GRIA3: variants seen among roughly 807,000 people sequenced by gnomAD.
GRIA3 encodes glutamate receptor 3.
GRIA3 carries 3 observed loss-of-function variants against 63.0 expected under a neutral mutation model. That is an observed-to-expected ratio of 0.05 (90% CI 0.02 to 0.12). The LOEUF (loss-of-function observed/expected upper bound fraction) is 0.12, where lower values mean the gene tolerates loss of function less well. Ranked by LOEUF, GRIA3 falls within the 10% of genes least tolerant of loss-of-function variation. GRIA3 has a pLI of 1.00. For synonymous variants in GRIA3, 274 were observed against 257.9 expected (o/e 1.06, Z -0.60); for missense variants, 347 against 700.9 (o/e 0.50, Z 5.70).
intron 13 of GRIA3, among the ~76,000 whole-genome samples, chrX:123,467,647 C>T (rs1252319900): frequency 8.9e-6 from 1 of 112,236 alleles, no homozygotes; most frequent in African/African-American, 3.2e-5. Context: ...CATTCATACT[C>T]ATCATGGTTA....
chrX:123,266,163 C>T (rs994004620), intron 3 of GRIA3, among the ~76,000 whole-genome samples: 3 of 111,837 alleles, frequency 2.7e-5, no homozygotes, highest in African/African-American at 9.7e-5. Flanking sequence ...AGCAGTTTTG[C>T]TTCTTGAATA....
intron 12 of GRIA3, among the ~76,000 whole-genome samples, chrX:123,439,897 T>C (rs1316838750): frequency 9.0e-6 from 1 of 111,240 alleles, no homozygotes; most frequent in Non-Finnish European, 1.9e-5. Context: ...ACCCAGGTAT[T>C]AAGTCCAGTA....
chrX:123,209,979 G>A (rs1927996940), intron 2 of GRIA3, among the ~76,000 whole-genome samples: 1 of 109,910 alleles, frequency 9.1e-6, no homozygotes, highest in South Asian at 3.9e-4. Context: ...GTTTTACCGT[G>A]ATTTTGTTTG....
chrX:123,305,007 T>C (rs1462431785), intron 3 of GRIA3, among the ~76,000 whole-genome samples: 2 of 111,499 alleles, frequency 1.8e-5, no homozygotes, highest in African/African-American at 3.3e-5. Context: ...TGGTTATAAA[T>C]CTTCAATGAC....
intron 4 of GRIA3, among the ~76,000 whole-genome samples, chrX:123,329,855 A>G (rs1048573260): frequency 1.8e-5 from 2 of 111,883 alleles, no homozygotes; most frequent in African/African-American, 6.5e-5. Flanking sequence ...CAATCTAAAC[A>G]TTAATTTTTG....
intron 13 of GRIA3, among the ~76,000 whole-genome samples, chrX:123,477,305 C>A (rs1309565296): frequency 8.9e-6 from 1 of 112,329 alleles, no homozygotes; most frequent in Non-Finnish European, 1.9e-5. Flanking sequence ...TTCATGTATT[C>A]ATTGATTCAT....
Position 123,391,403 on chromosome X carries a change from T to G in GRIA3, c.751-3565T>G, listed in dbSNP as rs147160312. Among the ~76,000 whole-genome samples the G allele has an allele frequency of 3.0e-3, 333 of 112,042 alleles. 2 individuals are homozygous for G. Among genetic ancestry groups the G allele is most frequent in the African/African-American group, 0.01 (320 of 30,836 alleles). On this transcript the variant is annotated intron_variant, in intron 5 of 15. Coordinates refer to ENST00000620443, the MANE Select transcript of GRIA3 (RefSeq NM_007325.5). ...ATAATATAGTCTCCATGATGATTTATCTGGCTGTAAACAGCATCAGTAGTA... is the reference window on the plus strand; with the variant it reads ...ATAATATAGTCTCCATGATGATTTAGCTGGCTGTAAACAGCATCAGTAGTA...
intron 3 of GRIA3, among the ~76,000 whole-genome samples, chrX:123,282,311 T>C (rs917012570): frequency 8.9e-6 from 1 of 112,546 alleles, no homozygotes; most frequent in African/African-American, 3.2e-5. Context: ...CCCCCTCCTC[T>C]TTCCCTTCAC....
At chrX:123,366,576 T>C (rs1288337525) in intron 5 of GRIA3, among the ~76,000 whole-genome samples, 1 of 111,915 alleles carries the variant, frequency 8.9e-6, no homozygotes, top group East Asian at 2.8e-4. Flanking sequence ...TGAGTAAGCT[T>C]ATCCTGCATT....
At chrX:123,283,089 G>A (rs950700466) in intron 3 of GRIA3, among the ~76,000 whole-genome samples, 17 of 111,542 alleles carry the variant, frequency 1.5e-4, no homozygotes, top group African/African-American at 5.5e-4. Context: ...TGCAGCCCAC[G>A]AAAGGCGAGC....
At chrX:123,233,656 CT>C (rs2044287372) in intron 2 of GRIA3, among the ~76,000 whole-genome samples, 1 of 111,836 alleles carries the variant, frequency 8.9e-6, no homozygotes, top group Admixed American at 9.5e-5. Context: ...TAAGATCTGC[CT>C]GCAGTTACCA....
intron 3 of GRIA3, among the ~76,000 whole-genome samples, chrX:123,324,597 G>A (rs1057494257): frequency 1.8e-5 from 2 of 112,047 alleles, no homozygotes; most frequent in Non-Finnish European, 3.8e-5. Context: ...ATAAATATGC[G>A]TGGTTGGTTT....
chrX:123,372,975 C>A (rs1211530399), intron 5 of GRIA3, among the ~76,000 whole-genome samples: 1 of 109,264 alleles, frequency 9.2e-6, no homozygotes. Context: ...ATTAACTCAT[C>A]ATTTACATTA....
chrX:123,195,544 A>C (rs182887367), intron 2 of GRIA3, among the ~76,000 whole-genome samples: 1 of 111,910 alleles, frequency 8.9e-6, no homozygotes, highest in Admixed American at 9.4e-5. Context: ...GGTGTGTTAT[A>C]ATAGGGAGTG....
At chrX:123,238,717 G>A (rs1400924063) in intron 2 of GRIA3, among the ~76,000 whole-genome samples, 3 of 104,559 alleles carry the variant, frequency 2.9e-5, no homozygotes, top group Admixed American at 1.0e-4. Flanking sequence ...TGTAGGAAAA[G>A]GGAAGAAAGA....
chrX:123,403,663 T>C (rs1011293831), intron 9 of GRIA3, 144 bp downstream of exon 9: 2 of 512,806 alleles, frequency 3.9e-6, no homozygotes, highest in African/African-American at 2.3e-5. Flanking sequence ...TCAAAGTATC[T>C]TGCCATGATG....
intron 6 of GRIA3, among the ~76,000 whole-genome samples, chrX:123,396,202 T>A (rs1005690956): frequency 1.0e-5 from 1 of 99,002 alleles, no homozygotes; most frequent in African/African-American, 3.7e-5. Flanking sequence ...CATCTCAAAA[T>A]AATAATAATA....
At chrX:123,311,065 CA>C (rs1297864401) in intron 3 of GRIA3, among the ~76,000 whole-genome samples, 1 of 109,435 alleles carries the variant, frequency 9.1e-6, no homozygotes, top group African/African-American at 3.3e-5. Context: ...CCTATTTATA[CA>C]ATCCTTATGG....
intron 1 of GRIA3, 82 bp from the exon 2 acceptor site, chrX:123,185,750 C>G (rs1430525871): frequency 2.7e-6 from 2 of 744,000 alleles, no homozygotes; most frequent in Admixed American, 2.3e-5. Flanking sequence ...GAGAGGTATC[C>G]GGTATCTATA....
Sources: allele counts gnomAD v4.1 joint callset (sites outside exome capture counted in the v4.1 genomes callset), GRCh38; gene constraint gnomAD v4.1.1; transcripts MANE v1.5; gene names NCBI Gene and HGNC (gene_info 2026-07-23, HGNC 2026-07-21).